Variants in ALK observed in about 807,000 individuals in gnomAD.
ALK encodes ALK tyrosine kinase receptor.
ALK carries 74 observed loss-of-function variants against 163.1 expected under a neutral mutation model. That is an observed-to-expected ratio of 0.45 (90% CI 0.38 to 0.55). The LOEUF (loss-of-function observed/expected upper bound fraction) is 0.55, where lower values mean the gene tolerates loss of function less well. Ranked by LOEUF, ALK falls within the 20% of genes least tolerant of loss-of-function variation. The probability of loss-of-function intolerance (pLI) is 0.00; values close to 1 mark genes in which losing one functional copy is unlikely to be tolerated. For missense variants in ALK, 2,063 were observed against 2,105.3 expected, an observed-to-expected ratio of 0.98 and a Z score of 0.39; for synonymous variants, 960 against 843.2, an observed-to-expected ratio of 1.14 and a Z score of -2.40.
chr2:29,598,442 G>A (rs541675527), intron 3 of ALK, among the ~76,000 whole-genome samples: 11 of 152,312 alleles, frequency 7.2e-5, no homozygotes, highest in Non-Finnish European at 1.5e-4. Context: ...ACCTAGAGGT[G>A]ACACTAAGGC....
intron 1 of ALK, among the ~76,000 whole-genome samples, chr2:29,790,205 C>G (rs532155834): frequency 1.3e-5 from 2 of 152,042 alleles, no homozygotes; most frequent in Non-Finnish European, 2.9e-5. Context: ...AAGAGTAAAC[C>G]ACAGTTCACA....
intron 1 of ALK, among the ~76,000 whole-genome samples, chr2:29,762,813 G>A (rs1680745577): frequency 6.6e-6 from 1 of 152,202 alleles, no homozygotes; most frequent in Non-Finnish European, 1.5e-5. Flanking sequence ...GATTGGCTGG[G>A]CGCAGTGGCT....
intron 1 of ALK, among the ~76,000 whole-genome samples, chr2:29,831,257 G>GAAT (rs1476493350): frequency 1.0e-5 from 1 of 95,576 alleles, no homozygotes; most frequent in Non-Finnish European, 2.1e-5. Flanking sequence ...GGAAGAGGAA[G>GAAT]AGGAAGAAGA....
At chr2:29,675,487 C>G (rs1677844833) in intron 3 of ALK, among the ~76,000 whole-genome samples, 2 of 152,012 alleles carry the variant, frequency 1.3e-5, no homozygotes, top group South Asian at 4.2e-4. Context: ...CCAACCTTCC[C>G]TACCAGCAAA....
chr2:29,904,560 T>G lies in ALK; in HGVS notation c.667+15433A>C, dbSNP rs557025619. ...AGATAATGGATAATATCTTCAGTGC[T>G]CTAACCATGTCACAGATGCTACACT... On this transcript the variant is annotated intron_variant, in intron 1 of 28. Transcript: ENST00000389048. 2.4e-4 allele frequency among the ~76,000 whole-genome samples: 37 copies of G among 152,272 alleles called. No individual in the cohort carries two copies. The East Asian group carries it at 6.7e-3, about 28-fold the overall frequency.
At chr2:29,433,717 T>C (rs951705534) in intron 4 of ALK, among the ~76,000 whole-genome samples, 2 of 144,448 alleles carry the variant, frequency 1.4e-5, no homozygotes, top group African/African-American at 5.1e-5. Flanking sequence ...TTTGTCAACT[T>C]AAAAAAAAAA....
chr2:29,283,019 T>C (rs749863700), intron 9 of ALK, among the ~76,000 whole-genome samples: 57 of 152,250 alleles, frequency 3.7e-4, no homozygotes, highest in Middle Eastern at 3.4e-3. Context: ...CCCTGGGTTT[T>C]GATGAGGAAA....
intron 9 of ALK, among the ~76,000 whole-genome samples, chr2:29,278,125 T>A (rs933127735): frequency 1.3e-5 from 2 of 151,356 alleles, no homozygotes; most frequent in East Asian, 1.9e-4. Flanking sequence ...TTTAAGTTGG[T>A]TTTGAATGCA....
At chr2:29,463,526 C>T (rs1671135958) in intron 4 of ALK, among the ~76,000 whole-genome samples, 1 of 152,112 alleles carries the variant, frequency 6.6e-6, no homozygotes, top group Admixed American at 6.6e-5. Flanking sequence ...GGGTTTCAGC[C>T]ACTGAACAAC....
At chr2:29,258,333 T>C (rs951296068) in intron 11 of ALK, among the ~76,000 whole-genome samples, 2 of 152,246 alleles carry the variant, frequency 1.3e-5, no homozygotes, top group African/African-American at 4.8e-5. Context: ...TCTTTTATCA[T>C]GTTAGCACTT....
chr2:29,652,168 A>T (rs1434808276), intron 3 of ALK, among the ~76,000 whole-genome samples: 1 of 152,126 alleles, frequency 6.6e-6, no homozygotes, highest in Admixed American at 6.6e-5. Flanking sequence ...ATATTTTTTT[A>T]AAATAGCACC....
intron 3 of ALK, among the ~76,000 whole-genome samples, chr2:29,594,902 G>T (rs1174482842): frequency 1.1e-3 from 27 of 24,162 alleles, no homozygotes; most frequent in African/African-American, 4.9e-3. Flanking sequence ...AATGGGGGGT[G>T]GGGGGCGGGG....
chr2:29,495,790 G>GT (rs1156988276), intron 4 of ALK, among the ~76,000 whole-genome samples: 1 of 152,128 alleles, frequency 6.6e-6, no homozygotes, highest in Non-Finnish European at 1.5e-5. Context: ...GTTTTCTTGT[G>GT]TTTCGTCTTT....
At chr2:29,529,285 C>A (rs1012445408) in intron 4 of ALK, among the ~76,000 whole-genome samples, 2 of 152,228 alleles carry the variant, frequency 1.3e-5, no homozygotes, top group Non-Finnish European at 2.9e-5. Context: ...CTCGTTACTA[C>A]AAACACGGAA....
chr2:29,752,373 G>A (rs1680392467), intron 1 of ALK, among the ~76,000 whole-genome samples: 1 of 138,198 alleles, frequency 7.2e-6, no homozygotes, highest in South Asian at 2.4e-4. Flanking sequence ...TTTTTGAGAC[G>A]GAGTTTCGCT....
intron 3 of ALK, among the ~76,000 whole-genome samples, chr2:29,597,084 T>A (rs562668742): frequency 2.9e-4 from 44 of 152,048 alleles, no homozygotes; most frequent in Admixed American, 5.2e-4. Context: ...ACAAAAAAAA[T>A]AGCACTCCCT....
chr2:29,195,469 A>G (rs947676981), intron 28 of ALK, among the ~76,000 whole-genome samples: 8 of 152,232 alleles, frequency 5.3e-5, no homozygotes, highest in African/African-American at 1.9e-4. Flanking sequence ...AATAGTAGGT[A>G]GGCCAGGTGT....
chr2:29,275,322 G>C, intron 10 of ALK, 80 bp downstream of exon 10: 1 of 1,610,556 alleles, frequency 6.2e-7, no homozygotes. Flanking sequence ...GAGACAGTCA[G>C]GCTTAGGCTG....
chr2:29,698,531 A>G (rs1407620623), intron 2 of ALK, among the ~76,000 whole-genome samples: 1 of 152,160 alleles, frequency 6.6e-6, no homozygotes, highest in Non-Finnish European at 1.5e-5. Context: ...TTCTCTTCCA[A>G]TGAAAGATGA....
Sources: gnomAD v4.1 joint callset for allele counts (sites outside exome capture counted in the v4.1 genomes callset) on GRCh38, gnomAD v4.1.1 for gene constraint, MANE v1.5 for transcripts, NCBI Gene and HGNC (gene_info 2026-07-23, HGNC 2026-07-21) for gene names.